Variants in CLIP4 observed in about 807,000 individuals in gnomAD.
CLIP4 encodes the protein CAP-Gly domain-containing linker protein 4.
CLIP4 carries 47 observed loss-of-function variants against 73.1 expected under a neutral mutation model. That is an observed-to-expected ratio of 0.64 (90% CI 0.51 to 0.82). The LOEUF is 0.82. Ranked by LOEUF, CLIP4 falls within the 40% of genes least tolerant of loss-of-function variation. The pLI, the probability that CLIP4 is intolerant of heterozygous loss-of-function variation, is 0.00. For missense variants in CLIP4, 874 were observed against 852.9 expected (o/e 1.02, Z -0.31); for synonymous variants, 306 against 295.4 (o/e 1.04, Z -0.37).
chr2:29,172,449 C>T (rs1031222663), intron 14 of CLIP4, among the ~76,000 whole-genome samples: 5 of 152,070 alleles, frequency 3.3e-5, no homozygotes, highest in African/African-American at 7.2e-5. Flanking sequence ...TTGACAGTAT[C>T]GTTGTGCTGT....
intron 14 of CLIP4, among the ~76,000 whole-genome samples, chr2:29,172,432 C>T (rs1332562640): frequency 1.3e-5 from 2 of 152,098 alleles, no homozygotes; most frequent in African/African-American, 4.8e-5. Context: ...TATTTTCCCC[C>T]TGCATATTGA....
At chr2:29,163,757 T>C (rs918540005) in intron 12 of CLIP4, 74 bp from the exon 13 acceptor site, 1 of 1,425,212 alleles carries the variant, frequency 7.0e-7, no homozygotes, top group Admixed American at 2.4e-5. Context: ...ACACCTCGAC[T>C]TTGGTTTTGT....
chr2:29,127,263 C>T (rs894580708), intron 2 of CLIP4, among the ~76,000 whole-genome samples: 1 of 151,826 alleles, frequency 6.6e-6, no homozygotes, highest in African/African-American at 2.4e-5. Flanking sequence ...CTTTAAAAAG[C>T]CTTTTCAGTC....
At chr2:29,152,062 G>T (rs569483125) in intron 8 of CLIP4, among the ~76,000 whole-genome samples, 1 of 152,126 alleles carries the variant, frequency 6.6e-6, no homozygotes, top group South Asian at 2.1e-4. Flanking sequence ...TTTTATCCCT[G>T]CTATGTGTAA....
intron 2 of CLIP4, among the ~76,000 whole-genome samples, chr2:29,127,235 A>G (rs1034832051): frequency 2.6e-5 from 4 of 152,076 alleles, no homozygotes; most frequent in Non-Finnish European, 5.9e-5. Flanking sequence ...GTCTGGTAAT[A>G]AGGAATCTGA....
intron 2 of CLIP4, among the ~76,000 whole-genome samples, chr2:29,124,334 A>G (rs184244175): frequency 1.3e-5 from 2 of 151,842 alleles, no homozygotes; most frequent in African/African-American, 4.8e-5. Flanking sequence ...TCCCATTTGC[A>G]TTGTTTCTGC....
intron 2 of CLIP4, among the ~76,000 whole-genome samples, chr2:29,130,340 A>T (rs1334290952): frequency 1.3e-5 from 2 of 152,222 alleles, no homozygotes; most frequent in Non-Finnish European, 2.9e-5. Flanking sequence ...CAAAAGTGGT[A>T]AGAAGCTTGT....
At chr2:29,114,016 C>T (rs779673649), upstream of CLIP4, 1 of 152,206 alleles carries the variant, frequency 6.6e-6, no homozygotes, top group African/African-American at 2.4e-5. Context: ...TGAGAGCACT[C>T]GCAGATGCTG....
At chr2:29,170,953 C>T (rs996580977) in intron 14 of CLIP4, among the ~76,000 whole-genome samples, 2 of 152,076 alleles carry the variant, frequency 1.3e-5, no homozygotes, top group African/African-American at 4.8e-5. Flanking sequence ...TTTCATTGAT[C>T]TATTTGTCTC....
chr2:29,148,732 AAG>A (rs1453239078), intron 8 of CLIP4, among the ~76,000 whole-genome samples: 1 of 152,182 alleles, frequency 6.6e-6, no homozygotes, highest in Non-Finnish European at 1.5e-5. Flanking sequence ...TTGTACTATG[AAG>A]AGAGAGATTT....
intron 15 of CLIP4, among the ~76,000 whole-genome samples, chr2:29,175,970 C>T (rs576485458): frequency 2.0e-5 from 3 of 152,140 alleles, no homozygotes; most frequent in African/African-American, 7.2e-5. Flanking sequence ...ACTGTGTTAG[C>T]CAGGATGGTC....
chr2:29,121,532 T>C lies in CLIP4; in HGVS notation c.133+11T>C, dbSNP rs1245971270. The stretch of plus-strand genomic sequence containing the variant: ...TGCCTTCAGACTGTGGTATGTGAAG[T>C]AGCTGTGCTTATTTTCTGTGAACTG... On this transcript the variant is annotated intron_variant, in intron 2 of 15. Transcript: ENST00000320081. 1.9e-6 allele frequency: 3 copies of C among 1,611,630 alleles called. No homozygotes were observed. In the African/African-American group the frequency reaches 4.0e-5, roughly 22 times the overall value.
At chr2:29,155,546 C>T (rs1666868530) in intron 9 of CLIP4, among the ~76,000 whole-genome samples, 1 of 152,038 alleles carries the variant, frequency 6.6e-6, no homozygotes, top group Admixed American at 6.5e-5. Flanking sequence ...TGGAGGAAAC[C>T]TAGTCAAAAT....
At chr2:29,161,480 C>T (rs1387397900) in intron 12 of CLIP4, among the ~76,000 whole-genome samples, 2 of 151,940 alleles carry the variant, frequency 1.3e-5, no homozygotes, top group African/African-American at 2.4e-5. Flanking sequence ...TGAGATTTTA[C>T]CCTATTTGCA....
chr2:29,167,781 C>T (rs561303718), intron 14 of CLIP4: 1 of 347,734 alleles, frequency 2.9e-6, no homozygotes, highest in East Asian at 4.4e-5. Flanking sequence ...ACCCCATCCT[C>T]AGGTGGAGGA....
intron 13 of CLIP4, among the ~76,000 whole-genome samples, chr2:29,165,644 T>C (rs1573008421): frequency 6.6e-6 from 1 of 152,330 alleles, no homozygotes; most frequent in East Asian, 1.9e-4. Context: ...TTTGGGCATA[T>C]CTTCATCAAA....
chr2:29,135,593 A>G lies in CLIP4; in HGVS notation c.575A>G (p.His192Arg), dbSNP rs779760826. Reference protein sequence around the residue: ...CSDFNFGTALHIAAYNLCAGA... With the variant: ...CSDFNFGTALRIAAYNLCAGA... Reference sequence around the variant, plus strand: ...GATTTTAATTTTGGAACAGCTTTGCATATTGCAGCATACAACTTGTGTGCA... The same window carrying G: ...GATTTTAATTTTGGAACAGCTTTGCGTATTGCAGCATACAACTTGTGTGCA... Residue 192 changes from histidine to arginine, a missense_variant, in exon 6 of 16, where the codon CAT (histidine) becomes CGT (arginine). By Grantham distance (29) the His-to-Arg change is conservative (BLOSUM62 0). Coordinates refer to ENST00000320081, the MANE Select transcript of CLIP4 (RefSeq NM_024692.6). 1.2e-6 allele frequency: 2 copies of G among 1,610,866 alleles called. No homozygotes were observed.
At chr2:29,132,284 T>G in intron 4 of CLIP4, 39 bp downstream of exon 4, 1 of 1,473,096 alleles carries the variant, frequency 6.8e-7, no homozygotes, top group South Asian at 1.1e-5. Context: ...TTATGTCATC[T>G]GCACTTGTGC....
intron 1 of CLIP4, chr2:29,097,992 G>A (rs1442894886): frequency 6.6e-6 from 1 of 152,210 alleles, no homozygotes; most frequent in Non-Finnish European, 1.5e-5. Flanking sequence ...ACAGCCCTCT[G>A]ATGAAACTCA....
Sources: gnomAD v4.1 joint callset for allele counts (sites outside exome capture counted in the v4.1 genomes callset) on GRCh38, gnomAD v4.1.1 for gene constraint, MANE v1.5 for transcripts, NCBI Gene and HGNC (gene_info 2026-07-23, HGNC 2026-07-21) for gene names.